KAZN: variants seen among roughly 807,000 people sequenced by gnomAD.
KAZN encodes kazrin.
In KAZN, 40 loss-of-function variants were observed where a neutral mutation model predicts 87.4. The ratio of observed to expected loss-of-function variants is 0.46; its 90% CI spans 0.36 to 0.60. KAZN has a LOEUF of 0.60. Ranked by LOEUF, KAZN falls within the 20% of genes least tolerant of loss-of-function variation. The pLI, the probability that KAZN is intolerant of heterozygous loss-of-function variation, is 0.00. For synonymous variants in KAZN, 466 were observed against 458.3 expected (o/e 1.02, Z -0.22); for missense variants, 898 against 1,073.9 (o/e 0.84, Z 2.29).
intron 2 of KAZN, among the ~76,000 whole-genome samples, chr1:14,410,528 G>A (rs186009728): frequency 1.3e-5 from 2 of 152,312 alleles, no homozygotes. Flanking sequence ...GCCACCCAAA[G>A]ACAGCAAGTT....
intron 1 of KAZN, among the ~76,000 whole-genome samples, chr1:14,676,730 T>C (rs1014214599): frequency 6.6e-6 from 1 of 152,152 alleles, no homozygotes; most frequent in African/African-American, 2.4e-5. Flanking sequence ...CCCATTTATA[T>C]GAAATGTCCA....
intron 1 of KAZN, among the ~76,000 whole-genome samples, chr1:14,851,407 C>T (rs369647969): frequency 1.5e-4 from 23 of 152,346 alleles, no homozygotes; most frequent in African/African-American, 4.1e-4. Context: ...GCTGCCCCAC[C>T]GCTGCGATAG....
chr1:14,207,431 G>A (rs1646768379), intron 2 of KAZN, among the ~76,000 whole-genome samples: 1 of 152,136 alleles, frequency 6.6e-6, no homozygotes. Context: ...CGAGCATCAT[G>A]TTTTTCAAAG....
intron 1 of KAZN, among the ~76,000 whole-genome samples, chr1:14,833,384 G>A (rs866482218): frequency 6.6e-6 from 1 of 152,172 alleles, no homozygotes; most frequent in Admixed American, 6.5e-5. Flanking sequence ...TGGGAGCACT[G>A]GTGTGTGTGT....
intron 1 of KAZN, among the ~76,000 whole-genome samples, chr1:14,165,618 C>T: frequency 6.6e-6 from 1 of 152,142 alleles, no homozygotes; most frequent in East Asian, 1.9e-4. Context: ...GCAAAGGAAG[C>T]TGTTCAGGGT....
intron 2 of KAZN, among the ~76,000 whole-genome samples, chr1:15,005,334 G>A (rs1005494480): frequency 3.3e-5 from 5 of 152,122 alleles, no homozygotes; most frequent in African/African-American, 7.2e-5. Context: ...GGCAGTCACC[G>A]GGCAGGTGCC....
intron 2 of KAZN, among the ~76,000 whole-genome samples, chr1:14,333,470 CTG>C (rs1656994846): frequency 6.6e-6 from 1 of 152,214 alleles, no homozygotes; most frequent in Admixed American, 6.5e-5. Flanking sequence ...GTGCAAGACT[CTG>C]TGCCACTCTA....
intron 2 of KAZN, among the ~76,000 whole-genome samples, chr1:14,544,350 C>CTTTTT (rs374148415): frequency 0.03 from 2,937 of 97,766 alleles, 40 homozygotes; most frequent in Admixed American, 0.055. Context: ...TTCTTTCTTT[C>CTTTTT]TTTTTTTTTT....
chr1:14,986,707 A>G (rs1323748863), intron 2 of KAZN, among the ~76,000 whole-genome samples: 1 of 152,124 alleles, frequency 6.6e-6, no homozygotes, highest in Non-Finnish European at 1.5e-5. Flanking sequence ...CAAGAAAGTG[A>G]GGCTCAATTC....
chr1:14,264,231 A>C (rs894300787), intron 2 of KAZN, among the ~76,000 whole-genome samples: 2 of 152,156 alleles, frequency 1.3e-5, no homozygotes, highest in African/African-American at 4.8e-5. Flanking sequence ...GTTGTTGGTC[A>C]AATTCAGTTC....
At chr1:13,932,258 A>AT (rs1553175095) in intron 1 of KAZN, among the ~76,000 whole-genome samples, 4,430 of 43,082 alleles carry the variant, frequency 0.1, 305 homozygotes, top group East Asian at 0.43. Flanking sequence ...CTTATTAAAC[A>AT]TTTTTTTTTT....
At chr1:14,378,510 C>T (rs553396214) in intron 2 of KAZN, among the ~76,000 whole-genome samples, 5 of 152,182 alleles carry the variant, frequency 3.3e-5, no homozygotes, top group African/African-American at 4.8e-5. Context: ...CTTAAACTGT[C>T]GACATTACCC....
At chr1:13,960,870 A>G (rs959286255) in intron 1 of KAZN, among the ~76,000 whole-genome samples, 3 of 152,178 alleles carry the variant, frequency 2.0e-5, no homozygotes, top group African/African-American at 7.2e-5. Context: ...CTGGGGCTTC[A>G]GGACAGGGGG....
chr1:15,108,673 G>A (rs530738968), intron 13 of KAZN, among the ~76,000 whole-genome samples: 5 of 152,126 alleles, frequency 3.3e-5, no homozygotes, highest in Non-Finnish European at 4.4e-5. Context: ...CTCAATGCTC[G>A]GGCTGGCCCA....
rs1645334436 is a variant in KAZN at position 14,145,727 on chromosome 1, T to C, written c.92-34708T>C. 2.6e-5 allele frequency among the ~76,000 whole-genome samples: 4 copies of C among 152,100 alleles called. No homozygotes were observed. In the South Asian group the frequency reaches 8.3e-4, roughly 32 times the overall value. On this transcript the variant is annotated intron_variant, in intron 1 of 16. Coordinates refer to the KAZN transcript ENST00000636203. ...TCCCAAGTAGCTGGGATTACAGGCA[T>C]GTGCTACCACACCTGGCTAATTTTT...
chr1:14,585,538 G>C (rs1230784233), intron 2 of KAZN, among the ~76,000 whole-genome samples: 1 of 152,166 alleles, frequency 6.6e-6, no homozygotes, highest in Non-Finnish European at 1.5e-5. Context: ...CCAAGCCAAA[G>C]AGTGTGAACA....
intron 2 of KAZN, among the ~76,000 whole-genome samples, chr1:14,354,514 A>G (rs569002836): frequency 2.4e-4 from 36 of 152,352 alleles, no homozygotes; most frequent in Admixed American, 4.6e-4. Flanking sequence ...TGACTAGCAG[A>G]CAGTTCATAA....
At chr1:14,786,911 C>A (rs1269194920) in intron 1 of KAZN, among the ~76,000 whole-genome samples, 1 of 152,166 alleles carries the variant, frequency 6.6e-6, no homozygotes, top group Non-Finnish European at 1.5e-5. Context: ...GGTGAAATGA[C>A]CCATTTCTGA....
At position 14,390,022 on chromosome 1, in the gene KAZN, G is replaced by A. The variant is rs541323145; in HGVS notation, c.250-208961G>A. ...GCACAAAAATTAAAAATTAAAAAAA[G>A]TAAGTGGATCAAAACCAAATAAGTA... On this transcript the variant is annotated intron_variant, in intron 2 of 16. Transcript: ENST00000636203. Among the ~76,000 whole-genome samples the A allele has an allele frequency of 3.9e-5, 6 of 152,168 alleles. No individual in the cohort carries two copies. In the South Asian group the frequency reaches 1.0e-3, roughly 26 times the overall value.
Sources: gnomAD v4.1 joint callset for allele counts (sites outside exome capture counted in the v4.1 genomes callset) on GRCh38, gnomAD v4.1.1 for gene constraint, MANE v1.5 for transcripts, NCBI Gene and HGNC (gene_info 2026-07-23, HGNC 2026-07-21) for gene names.